The following LIMA1 variants were observed in gnomAD, a reference collection of about 807,000 sequenced individuals.
LIMA1 encodes LIM domain and actin binding 1.
A neutral mutation model predicts 62.6 loss-of-function variants in LIMA1; 52 were observed. The observed-to-expected ratio is 0.83, with a 90% CI of 0.67 to 1.05. The LOEUF (loss-of-function observed/expected upper bound fraction) is 1.05. Ranked by LOEUF, LIMA1 falls within the 50% of genes least tolerant of loss-of-function variation. The pLI, the probability that LIMA1 is intolerant of heterozygous loss-of-function variation, is 0.00. For synonymous variants in LIMA1, 302 were observed against 317.8 expected, an observed-to-expected ratio of 0.95 and a Z score of 0.53; for missense variants, 780 against 902.2, an observed-to-expected ratio of 0.86 and a Z score of 1.74.
rs1383547189 is a variant in LIMA1, at chr12:50,261,042, A to ATATT, written c.-23-12269_-23-12268insAATA. ...CTTTTGCTTTTCTGCCATCTAGTATATTTTTTTTTTTTTTTTTTTTTTTTT... is the reference window on the plus strand; with the variant it reads ...CTTTTGCTTTTCTGCCATCTAGTATATATTTTTTTTTTTTTTTTTTTTTTTTTTT... On this transcript the variant is annotated intron_variant, in intron 1 of 10. Transcript: ENST00000341247. 2.4e-3 allele frequency among the ~76,000 whole-genome samples: 130 copies of ATATT among 54,284 alleles called. 8 individuals are homozygous for ATATT. The highest frequency in any genetic ancestry group is 8.8e-3 in the African/African-American group (122 of 13,942). 35.6% of individuals were successfully genotyped at this position (54,284 alleles called of 152,430 possible). A position where few individuals can be genotyped will look rare whatever the true frequency, so the allele number is the denominator to read the frequency against.
At chr12:50,186,569 T>A (rs1280949171) in intron 9 of LIMA1, 1 of 152,428 alleles carries the variant, frequency 6.6e-6, no homozygotes, top group Non-Finnish European at 1.5e-5. Context: ...CAACCCCTCA[T>A]AAAGATGCTT....
intron 3 of LIMA1, among the ~76,000 whole-genome samples, chr12:50,226,373 C>A (rs1482407228): frequency 6.6e-6 from 1 of 152,126 alleles, no homozygotes; most frequent in Non-Finnish European, 1.5e-5. Context: ...CGTCCACTTA[C>A]CTCAACTGCT....
At chr12:50,247,514 C>A (rs1477496656) in intron 2 of LIMA1, among the ~76,000 whole-genome samples, 1 of 152,086 alleles carries the variant, frequency 6.6e-6, no homozygotes, top group African/African-American at 2.4e-5. Flanking sequence ...TTGATGATTA[C>A]AGCTCCCAGC....
At chr12:50,236,450 AC>A (rs1157110184) in intron 2 of LIMA1, among the ~76,000 whole-genome samples, 12 of 151,470 alleles carry the variant, frequency 7.9e-5, no homozygotes, top group Non-Finnish European at 1.5e-5. Flanking sequence ...GGCACGCACC[AC>A]CACACCCGGA....
chr12:50,195,424 G>A (rs12314033), intron 8 of LIMA1, among the ~76,000 whole-genome samples: 5 of 152,006 alleles, frequency 3.3e-5, no homozygotes, highest in Admixed American at 3.3e-4. Context: ...GAAAAAATAT[G>A]TATCTTTAAC....
intron 1 of LIMA1, among the ~76,000 whole-genome samples, chr12:50,271,554 A>C (rs1353723207): frequency 1.3e-5 from 2 of 152,188 alleles, no homozygotes; most frequent in Admixed American, 6.5e-5. Flanking sequence ...AGTAAGAAAA[A>C]TCTCTTTCAG....
At chr12:50,221,943 A>G (rs765045812) in intron 4 of LIMA1, 78 bp downstream of exon 4, 61 of 1,285,454 alleles carry the variant, frequency 4.7e-5, no homozygotes, top group Non-Finnish European at 6.1e-5. Context: ...CCTCTACTCA[A>G]AATAGCTAGA....
At position 50,186,863 on chromosome 12, in the gene LIMA1, C is replaced by T. The variant is rs185914050; in HGVS notation, c.1141-4826G>A. 27 of 152,336 alleles carry T rather than the reference C, an allele frequency of 1.8e-4. No homozygotes were observed. The East Asian group carries it at 3.9e-3, about 22-fold the overall frequency. 9.4% of individuals were successfully genotyped at this position (152,336 alleles called of 1,614,324 possible). ...CACTGCACAAACTCAGAACTCCTGACTCACAAACCAAGAGAGCATTTTCTA... is the reference window on the plus strand; with the variant it reads ...CACTGCACAAACTCAGAACTCCTGATTCACAAACCAAGAGAGCATTTTCTA... On this transcript the variant is annotated intron_variant, in intron 9 of 10. Coordinates refer to ENST00000341247, the MANE Select transcript of LIMA1 (RefSeq NM_016357.5).
chr12:50,193,505 G>GTGTATATATGATATATATA (rs1940830154), intron 8 of LIMA1, among the ~76,000 whole-genome samples: 1 of 126,680 alleles, frequency 7.9e-6, no homozygotes, highest in Non-Finnish European at 1.6e-5. Flanking sequence ...TATCATATAT[G>GTGTATATATGATATATATA]TGTATATATG....
intron 1 of LIMA1, among the ~76,000 whole-genome samples, chr12:50,250,290 C>T (rs1488364633): frequency 9.3e-5 from 6 of 64,626 alleles, no homozygotes; most frequent in Admixed American, 2.0e-4. Context: ...AACTCCGTTT[C>T]AAAAAAAAAA....
chr12:50,245,693 AC>A (rs1941838178), intron 2 of LIMA1, among the ~76,000 whole-genome samples: 1 of 151,444 alleles, frequency 6.6e-6, no homozygotes, highest in South Asian at 2.1e-4. Context: ...CCCAAATGCT[AC>A]AGCACCCCCA....
intron 8 of LIMA1, among the ~76,000 whole-genome samples, chr12:50,193,326 T>C (rs1242481762): frequency 6.6e-6 from 1 of 151,268 alleles, no homozygotes; most frequent in African/African-American, 2.4e-5. Context: ...TTCTCCGAAA[T>C]TTTAAGGTAG....
intron 1 of LIMA1, among the ~76,000 whole-genome samples, chr12:50,261,792 A>T (rs1305713530): frequency 6.6e-6 from 1 of 151,996 alleles, no homozygotes; most frequent in Admixed American, 6.6e-5. Context: ...TCAACCTCCC[A>T]AAGTGCTGGG....
chr12:50,245,026 A>T (rs1261368692), intron 2 of LIMA1, among the ~76,000 whole-genome samples: 2 of 152,204 alleles, frequency 1.3e-5, no homozygotes, highest in Admixed American at 1.3e-4. Context: ...CTCCAAATGC[A>T]TCATTTCAGA....
chr12:50,213,958 CA>C (rs1370556447), intron 4 of LIMA1, among the ~76,000 whole-genome samples: 2 of 151,114 alleles, frequency 1.3e-5, no homozygotes, highest in African/African-American at 4.9e-5. Context: ...TCATTTAGGG[CA>C]AGGAACAGTT....
intron 1 of LIMA1, among the ~76,000 whole-genome samples, chr12:50,252,184 G>A (rs567989962): frequency 2.0e-5 from 3 of 152,126 alleles, no homozygotes; most frequent in East Asian, 3.9e-4. Context: ...CTTAAAGAAC[G>A]GGCAGAATTT....
intron 5 of LIMA1, among the ~76,000 whole-genome samples, chr12:50,205,376 T>C (rs2138487674): frequency 6.6e-6 from 1 of 152,226 alleles, no homozygotes; most frequent in South Asian, 2.1e-4. Context: ...CCTGGGCTCG[T>C]ATTTTAAAAT....
In LIMA1 at chr12:50,231,687, G is replaced by A. The variant is rs1327356992; in HGVS notation, c.143C>T (p.Thr48Ile). Residue 48 changes from threonine to isoleucine, a missense_variant, in exon 3 of 11, where the codon ACA (threonine) becomes ATA (isoleucine). Coordinates refer to ENST00000341247, the MANE Select transcript of LIMA1 (RefSeq NM_016357.5). ...FSKYQKAAEE[T>I]NMEKKRSNTE... is the part of the protein sequence containing the mutation. ...TACACTTCTCTTCTTCTCCATGTTT[G>A]TTTCTTCAGCTGCTTTCTGGTACCT... 3 of 1,613,810 alleles carry A rather than the reference G, an allele frequency of 1.9e-6. No homozygotes were observed. Among genetic ancestry groups the A allele is most frequent in the Non-Finnish European group, 2.5e-6 (3 of 1,179,822 alleles).
Position 50,230,740 on chromosome 12 carries a change from C to A in LIMA1, c.165+925G>T, listed in dbSNP as rs536860826. Among the ~76,000 whole-genome samples the A allele has an allele frequency of 3.9e-5, 6 of 152,062 alleles. No individual in the cohort carries two copies. The East Asian group carries it at 1.2e-3, about 30-fold the overall frequency. Reference sequence around the variant, plus strand: ...TACAGGCGCCCGCCACCACGCCCGGCTAATTTTTTTGTATTTTTAGTACAG... The same window carrying A: ...TACAGGCGCCCGCCACCACGCCCGGATAATTTTTTTGTATTTTTAGTACAG... On this transcript the variant is annotated intron_variant, in intron 3 of 10. Coordinates refer to ENST00000341247, the MANE Select transcript of LIMA1 (RefSeq NM_016357.5).
Sources: gnomAD v4.1 joint callset for allele counts (sites outside exome capture counted in the v4.1 genomes callset) on GRCh38, gnomAD v4.1.1 for gene constraint, MANE v1.5 for transcripts, NCBI Gene and HGNC (gene_info 2026-07-23, HGNC 2026-07-21) for gene names.